SPATA31H1: variants seen among roughly 807,000 people sequenced by gnomAD.
The protein encoded by SPATA31H1 is SPATA31 subfamily H member 1, also known as spermatogenesis-associated protein 31H1.
chr2:27,581,373 C>T, the SPATA31H1 span: 45 of 1,613,706 alleles, frequency 2.8e-5, no homozygotes, highest in South Asian at 4.2e-4. Flanking sequence ...CCATTCCAGT[C>T]CTTCTGAGAG....
chr2:27,541,136 C>T, the SPATA31H1 span, among the ~76,000 whole-genome samples: 7 of 149,624 alleles, frequency 4.7e-5, no homozygotes, highest in East Asian at 2.0e-4. Flanking sequence ...TCTGCAATCC[C>T]GGCACCTCGG....
At chr2:27,552,927 AAC>A in the SPATA31H1 span, among the ~76,000 whole-genome samples, 1 of 152,094 alleles carries the variant, frequency 6.6e-6, no homozygotes, top group South Asian at 2.1e-4. Flanking sequence ...GTCATCTGTG[AAC>A]ACAGTTTTAC....
At chr2:27,547,017 C>A in the SPATA31H1 span, among the ~76,000 whole-genome samples, 203 of 152,010 alleles carry the variant, frequency 1.3e-3, 1 homozygote, top group African/African-American at 2.4e-3. Context: ...TTATTGGTGA[C>A]CTTGTCATAA....
the SPATA31H1 span, among the ~76,000 whole-genome samples, chr2:27,554,788 G>A: frequency 6.6e-6 from 1 of 151,948 alleles, no homozygotes. Context: ...TGACCAGGCT[G>A]GTCTCAAACT....
chr2:27,546,089 T>A, the SPATA31H1 span, among the ~76,000 whole-genome samples: 2 of 152,076 alleles, frequency 1.3e-5, no homozygotes, highest in Non-Finnish European at 2.9e-5. Flanking sequence ...TGGACATGAG[T>A]CCTTTGCCAG....
At chr2:27,580,575 G>A in the SPATA31H1 span, 2 of 1,614,172 alleles carry the variant, frequency 1.2e-6, no homozygotes, top group Non-Finnish European at 1.7e-6. Context: ...GACAAGTACT[G>A]CCTCTTTAAA....
At chr2:27,543,220 T>C in the SPATA31H1 span, among the ~76,000 whole-genome samples, 4 of 152,066 alleles carry the variant, frequency 2.6e-5, no homozygotes, top group Non-Finnish European at 5.9e-5. Context: ...CAAACCTTTT[T>C]TGACTCTCAA....
chr2:27,537,689 C>T, the SPATA31H1 span: 2,784 of 635,026 alleles, frequency 4.4e-3, 12 homozygotes, highest in Non-Finnish European at 6.4e-3. Flanking sequence ...AGACAGTGCC[C>T]ATGGATAGTC....
At chr2:27,545,909 T>G in the SPATA31H1 span, among the ~76,000 whole-genome samples, 1 of 151,986 alleles carries the variant, frequency 6.6e-6, no homozygotes, top group Non-Finnish European at 1.5e-5. Flanking sequence ...TGGTATTGCA[T>G]TGTGGTTTTA....
At chr2:27,541,232 A>C in the SPATA31H1 span, among the ~76,000 whole-genome samples, 51 of 152,018 alleles carry the variant, frequency 3.4e-4, no homozygotes, top group Non-Finnish European at 6.3e-4. Context: ...ACCAAAAAAA[A>C]CATGAAAACC....
chr2:27,577,734 T>A, the SPATA31H1 span: 2 of 1,614,044 alleles, frequency 1.2e-6, no homozygotes, highest in Non-Finnish European at 1.7e-6. The surrounding 1 kb of genome is among the most constrained non-coding windows in gnomAD (Gnocchi z 4.5). Context: ...TCATGTGGGA[T>A]CTCCAGGGAT....
the SPATA31H1 span, chr2:27,577,219 A>G: frequency 6.2e-7 from 1 of 1,614,094 alleles, no homozygotes; most frequent in Non-Finnish European, 8.5e-7. The surrounding 1 kb of genome is among the most constrained non-coding windows in gnomAD (Gnocchi z 4.5). Context: ...GTAAGGGATC[A>G]AGGCTCAAAA....
At chr2:27,568,329 G>A in the SPATA31H1 span, 4 of 398,972 alleles carry the variant, frequency 1.0e-5, no homozygotes, top group South Asian at 5.1e-4. Flanking sequence ...ACAGCATAAA[G>A]TCATGGAATC....
the SPATA31H1 span, among the ~76,000 whole-genome samples, chr2:27,551,976 C>A: frequency 6.6e-6 from 1 of 151,874 alleles, no homozygotes; most frequent in African/African-American, 2.4e-5. Flanking sequence ...CCACCATGCC[C>A]AGCTAATTTT....
chr2:27,538,363 A>T, the SPATA31H1 span, among the ~76,000 whole-genome samples: 1 of 152,162 alleles, frequency 6.6e-6, no homozygotes, highest in African/African-American at 2.4e-5. Flanking sequence ...GAGTTTCTAC[A>T]ATTCTAGCAA....
At chr2:27,577,924 C>A in the SPATA31H1 span, 1 of 1,614,112 alleles carries the variant, frequency 6.2e-7, no homozygotes, top group African/African-American at 1.3e-5. This position sits in a 1 kb window ranked among gnomAD's most constrained non-coding sequence, Gnocchi z 4.5. Context: ...ATGGGGCTAA[C>A]AAAGTCAAAG....
At chr2:27,571,437 CCT>C in the SPATA31H1 span, 2 of 398,434 alleles carry the variant, frequency 5.0e-6, no homozygotes, top group East Asian at 3.6e-5. Flanking sequence ...GGAATTCACC[CCT>C]GATTCTGAGC....
chr2:27,577,486 CA>C, the SPATA31H1 span: 4 of 1,614,078 alleles, frequency 2.5e-6, no homozygotes, highest in Non-Finnish European at 2.5e-6. The surrounding 1 kb of genome is among the most constrained non-coding windows in gnomAD (Gnocchi z 4.5). Context: ...ACTGGATTTG[CA>C]GAGAGATCCC....
At chr2:27,580,044 G>A in the SPATA31H1 span, 1 of 1,614,156 alleles carries the variant, frequency 6.2e-7, no homozygotes, top group East Asian at 2.2e-5. Context: ...CACTCCTGAA[G>A]GCCATGGTGA....
Sources: allele counts gnomAD v4.1 joint callset (sites outside exome capture counted in the v4.1 genomes callset), GRCh38; gene constraint gnomAD v4.1.1; non-coding constraint Gnocchi (gnomAD v3.1); transcripts MANE v1.5; gene names NCBI Gene and HGNC (gene_info 2026-07-23, HGNC 2026-07-21).